Variants in GPC5 observed in about 807,000 individuals in gnomAD.
GPC5 encodes the protein glypican 5, also known as glypican-5.
GPC5 carries 47 observed loss-of-function variants against 53.9 expected under a neutral mutation model. The ratio of observed to expected loss-of-function variants is 0.87; its 90% CI spans 0.69 to 1.11. The LOEUF (loss-of-function observed/expected upper bound fraction) is 1.11, where lower values mean the gene tolerates loss of function less well. GPC5 is among the 50% of genes most tolerant of loss of function. The pLI, the probability that GPC5 is intolerant of heterozygous loss-of-function variation, is 0.00. For missense variants in GPC5, 748 were observed against 713.1 expected, an observed-to-expected ratio of 1.05 and a Z score of -0.56; for synonymous variants, 286 against 263.3, an observed-to-expected ratio of 1.09 and a Z score of -0.84.
chr13:92,670,186 A>G (rs1469413757), intron 7 of GPC5, among the ~76,000 whole-genome samples: 1 of 152,110 alleles, frequency 6.6e-6, no homozygotes, highest in African/African-American at 2.4e-5. Flanking sequence ...AAATGGCAGC[A>G]TACCAATGTG....
intron 7 of GPC5, among the ~76,000 whole-genome samples, chr13:92,522,142 A>G (rs1881079365): frequency 6.6e-6 from 1 of 152,172 alleles, no homozygotes; most frequent in Non-Finnish European, 1.5e-5. Context: ...GGATGTGGAG[A>G]AATAGGAACA....
At chr13:92,545,376 A>G (rs1882072182) in intron 7 of GPC5, among the ~76,000 whole-genome samples, 2 of 152,170 alleles carry the variant, frequency 1.3e-5, no homozygotes, top group Non-Finnish European at 2.9e-5. Context: ...GCTGCAATAA[A>G]CATACGTGTG....
At chr13:92,749,030 A>G (rs1835496945) in intron 7 of GPC5, among the ~76,000 whole-genome samples, 2 of 152,184 alleles carry the variant, frequency 1.3e-5, no homozygotes, top group South Asian at 2.1e-4. Context: ...GAGCACTTGA[A>G]TCATTGTTTG....
intron 3 of GPC5, among the ~76,000 whole-genome samples, chr13:91,718,062 C>A (rs1055681670): frequency 1.3e-5 from 2 of 152,078 alleles, no homozygotes; most frequent in Non-Finnish European, 2.9e-5. Flanking sequence ...TTTTACATGT[C>A]TAGAGATATT....
At chr13:92,852,625 C>T (rs1671416339) in intron 7 of GPC5, among the ~76,000 whole-genome samples, 1 of 152,038 alleles carries the variant, frequency 6.6e-6, no homozygotes, top group Admixed American at 6.6e-5. Context: ...GGCTGGAATG[C>T]AATGATGCTA....
intron 7 of GPC5, among the ~76,000 whole-genome samples, chr13:92,187,870 A>G (rs1486387696): frequency 6.6e-6 from 1 of 152,234 alleles, no homozygotes; most frequent in Admixed American, 6.5e-5. Context: ...TGTAAAGAAC[A>G]GTATGACTAA....
At chr13:92,782,108 G>A (rs372896573) in intron 7 of GPC5, among the ~76,000 whole-genome samples, 7 of 150,364 alleles carry the variant, frequency 4.7e-5, no homozygotes, top group African/African-American at 1.7e-4. Context: ...AAGGAGTGGG[G>A]GGAAGGGAGG....
chr13:92,805,078 A>G (rs1408197203), intron 7 of GPC5, among the ~76,000 whole-genome samples: 1 of 152,102 alleles, frequency 6.6e-6, no homozygotes, highest in Non-Finnish European at 1.5e-5. Flanking sequence ...TGAACCCTTG[A>G]AAGTCATCCA....
At chr13:91,653,948 G>A (rs183327097) in intron 2 of GPC5, among the ~76,000 whole-genome samples, 192 of 152,056 alleles carry the variant, frequency 1.3e-3, no homozygotes, top group Non-Finnish European at 2.2e-3. Context: ...CAATTTTCTC[G>A]TGTCCCTTTG....
intron 2 of GPC5, among the ~76,000 whole-genome samples, chr13:91,547,272 T>C (rs1272435992): frequency 6.6e-6 from 1 of 151,992 alleles, no homozygotes; most frequent in Non-Finnish European, 1.5e-5. Flanking sequence ...TGTATTACTG[T>C]CTAAGAGAAA....
chr13:91,479,037 G>A (rs1048650325), intron 2 of GPC5, among the ~76,000 whole-genome samples: 4 of 149,958 alleles, frequency 2.7e-5, no homozygotes, highest in South Asian at 2.1e-4. Flanking sequence ...CTCAGCCTCC[G>A]AAGTAGCTGG....
chr13:92,091,540 T>C (rs1419078609), intron 6 of GPC5, among the ~76,000 whole-genome samples: 1 of 152,120 alleles, frequency 6.6e-6, no homozygotes, highest in Non-Finnish European at 1.5e-5. Flanking sequence ...CTAGCTACTA[T>C]ATGCTATAAT....
intron 6 of GPC5, among the ~76,000 whole-genome samples, chr13:91,920,991 C>T (rs1025660326): frequency 4.0e-5 from 5 of 124,598 alleles, no homozygotes; most frequent in Non-Finnish European, 6.3e-5. Context: ...AGGCTGGAGT[C>T]CACTGGTGGG....
At chr13:92,031,023 A>T (rs1030750194) in intron 6 of GPC5, among the ~76,000 whole-genome samples, 3 of 151,988 alleles carry the variant, frequency 2.0e-5, no homozygotes, top group Admixed American at 1.3e-4. Context: ...GCCTTTTTAC[A>T]GGTTTTGGTC....
chr13:92,658,946 T>TTTG (rs1886237226), intron 7 of GPC5: 1 of 128,080 alleles, frequency 7.8e-6, no homozygotes, highest in Non-Finnish European at 1.7e-5. Flanking sequence ...TTTTTTTTTT[T>TTTG]GAGACGGAGT....
intron 7 of GPC5, among the ~76,000 whole-genome samples, chr13:92,612,482 A>G (rs1884471110): frequency 6.6e-6 from 1 of 152,118 alleles, no homozygotes; most frequent in South Asian, 2.1e-4. Context: ...AGGCCAGTAA[A>G]GCATATTTTA....
At chr13:92,464,437 TCC>T (rs911627923) in intron 7 of GPC5, among the ~76,000 whole-genome samples, 9 of 152,254 alleles carry the variant, frequency 5.9e-5, no homozygotes, top group East Asian at 1.9e-4. Flanking sequence ...AATAATAAAC[TCC>T]ATATTTTTTT....
chr13:91,837,862 G>A (rs1357342717), intron 5 of GPC5, among the ~76,000 whole-genome samples: 1 of 152,036 alleles, frequency 6.6e-6, no homozygotes, highest in Non-Finnish European at 1.5e-5. Context: ...CCATGAATTT[G>A]GATGTCATGG....
intron 7 of GPC5, among the ~76,000 whole-genome samples, chr13:92,431,764 A>G (rs1877097034): frequency 6.6e-6 from 1 of 152,252 alleles, no homozygotes; most frequent in African/African-American, 2.4e-5. Context: ...AAAATGGACT[A>G]TTGTTCAAAT....
Sources: gnomAD v4.1 joint callset for allele counts (sites outside exome capture counted in the v4.1 genomes callset) on GRCh38, gnomAD v4.1.1 for gene constraint, MANE v1.5 for transcripts, NCBI Gene and HGNC (gene_info 2026-07-23, HGNC 2026-07-21) for gene names.